IL17RB: variants seen among roughly 807,000 people sequenced by gnomAD.
IL17RB encodes interleukin-17 receptor B.
In IL17RB, 36 loss-of-function variants were observed where a neutral mutation model predicts 43.9. The ratio of observed to expected loss-of-function variants is 0.82; its 90% CI spans 0.63 to 1.08. The LOEUF (loss-of-function observed/expected upper bound fraction) is 1.08. IL17RB is among the 50% of genes least tolerant of loss of function. IL17RB has a pLI of 0.00. For synonymous variants in IL17RB, 225 were observed against 225.4 expected (o/e 1.00, Z 0.02); for missense variants, 613 against 613.6 (o/e 1.00, Z 0.01).
chr3:53,860,173 TCTGCTGGTGG>T lies in IL17RB; in HGVS notation c.893_902del (p.Leu298ProfsTer11). On this transcript the variant is annotated frameshift_variant, in exon 10 of 11. Transcript: ENST00000288167. LOFTEE classifies it high-confidence loss of function. ...GCTGGCTGCCTCTCCTCCTGCTGTCTCTGCTGGTGGCCACATGGGTGCTGGTGGCAGGGAT... is the reference window on the plus strand; with the variant it reads ...GCTGGCTGCCTCTCCTCCTGCTGTCTCCACATGGGTGCTGGTGGCAGGGAT... 1 of 1,614,172 alleles carries T rather than the reference TCTGCTGGTGG, an allele frequency of 6.2e-7. No homozygotes were observed. Among genetic ancestry groups the T allele is most frequent in the Non-Finnish European group, 8.5e-7 (1 of 1,179,988 alleles).
At chr3:53,849,020 T>C (rs964769549) in intron 2 of IL17RB, among the ~76,000 whole-genome samples, 2 of 152,096 alleles carry the variant, frequency 1.3e-5, no homozygotes, top group Non-Finnish European at 2.9e-5. Context: ...AAATGTTTCA[T>C]AGGAGAGCGG....
chr3:53,854,443 T>C (rs1699263158), intron 5 of IL17RB, among the ~76,000 whole-genome samples: 2 of 152,246 alleles, frequency 1.3e-5, no homozygotes, highest in African/African-American at 2.4e-5. Context: ...TCCTCTGGTC[T>C]GTAACAGTTT....
intron 2 of IL17RB, among the ~76,000 whole-genome samples, 173 bp from the exon 3 acceptor site, chr3:53,849,482 C>T (rs749995306): frequency 4.6e-5 from 7 of 150,920 alleles, no homozygotes; most frequent in Non-Finnish European, 8.8e-5. Context: ...TTGAGATCAT[C>T]TTAGGCAACA....
At chr3:53,847,820 A>G (rs867021198) in intron 1 of IL17RB, among the ~76,000 whole-genome samples, 21 of 152,214 alleles carry the variant, frequency 1.4e-4, no homozygotes, top group Middle Eastern at 6.8e-3. Flanking sequence ...AAATCTGATG[A>G]TATCCCTTAG....
At position 53,846,581 on chromosome 3, in the gene IL17RB, G is replaced by A. The variant is rs764907588; in HGVS notation, c.-8G>A. ...CGGGTGGCCTGGATCCCGCGCAGTGGCCCGGCGATGTCGCTCGTGCTGCTA... is the reference window on the plus strand; with the variant it reads ...CGGGTGGCCTGGATCCCGCGCAGTGACCCGGCGATGTCGCTCGTGCTGCTA... On this transcript the variant is annotated 5_prime_UTR_variant, in exon 1 of 11. Coordinates refer to ENST00000288167, the MANE Select transcript of IL17RB (RefSeq NM_018725.4). 1 of 1,575,362 alleles carries A rather than the reference G, an allele frequency of 6.3e-7. No homozygotes were observed.
At chr3:53,848,815 G>A in intron 2 of IL17RB, 127 bp downstream of exon 2, 1 of 985,672 alleles carries the variant, frequency 1.0e-6, no homozygotes, top group Non-Finnish European at 1.6e-6. Context: ...TTTATTGGCT[G>A]ATGCAGATGA....
intron 10 of IL17RB, 65 bp from the exon 11 acceptor site, chr3:53,864,681 G>C: frequency 8.3e-7 from 1 of 1,205,730 alleles, no homozygotes; most frequent in Non-Finnish European, 1.2e-6. Context: ...TGTCAGGGAT[G>C]GTTTACAGAG....
At position 53,865,465 on chromosome 3, in the gene IL17RB, T is replaced by C. The variant is rs1223813639; in HGVS notation, c.*157T>C. 5.2e-6 allele frequency: 3 copies of C among 574,748 alleles called. No individual in the cohort carries two copies. Among genetic ancestry groups the C allele is most frequent in the African/African-American group, 3.7e-5 (2 of 53,624 alleles). 35.6% of individuals were successfully genotyped at this position (574,748 alleles called of 1,614,324 possible). A position where few individuals can be genotyped will look rare whatever the true frequency, so the allele number is the denominator to read the frequency against. ...AAAATTTTCAAATATTGCTAACTAA[T>C]GTAGCATTAACTAACGATTGGAAAC... On this transcript the variant is annotated 3_prime_UTR_variant, in exon 11 of 11. Coordinates refer to ENST00000288167, the MANE Select transcript of IL17RB (RefSeq NM_018725.4).
In IL17RB at chr3:53,848,655, C is replaced by G. The variant is rs753728728; in HGVS notation, c.61-9C>G. On this transcript the variant is annotated splice_polypyrimidine_tract_variant and intron_variant, in intron 1 of 10. Transcript: ENST00000288167. ...TTCAACGTGACGCTTGGTTTTTTCT[C>G]TCCCACAGACCGTTCAATGTGGCTC... The G allele has an allele frequency of 6.2e-7, 1 of 1,613,480 alleles. No individual in the cohort carries two copies. The highest frequency in any genetic ancestry group is 8.5e-7 in the Non-Finnish European group (1 of 1,179,732).
Position 53,854,919 on chromosome 3 carries a change from G to A in IL17RB, c.482-375G>A, listed in dbSNP as rs990382401. ...AATTAGACTCTGGTTATCACGTAAT[G>A]GGCAGATGTTCTCTGTTTAGCAGTA... is the stretch of plus-strand genomic sequence containing the variant. On this transcript the variant is annotated intron_variant, in intron 5 of 10. Coordinates refer to ENST00000288167, the MANE Select transcript of IL17RB (RefSeq NM_018725.4). 3.9e-5 allele frequency among the ~76,000 whole-genome samples: 6 copies of A among 152,066 alleles called. No individual in the cohort carries two copies. The East Asian group carries it at 1.2e-3, about 29-fold the overall frequency.
At chr3:53,853,084 A>G (rs1175968338) in intron 5 of IL17RB, 87 bp downstream of exon 5, 3 of 1,524,282 alleles carry the variant, frequency 2.0e-6, no homozygotes, top group Non-Finnish European at 2.7e-6. Context: ...GGAACCCTGG[A>G]TAAGGCTTTT....
chr3:53,853,665 A>G (rs1483398729), intron 5 of IL17RB, among the ~76,000 whole-genome samples: 1 of 151,988 alleles, frequency 6.6e-6, no homozygotes, highest in Non-Finnish European at 1.5e-5. Flanking sequence ...TGAAGGGTCT[A>G]TCTGAGCCGA....
intron 10 of IL17RB, chr3:53,861,527 T>A (rs1471999476): frequency 6.6e-6 from 1 of 152,218 alleles, no homozygotes; most frequent in Non-Finnish European, 1.5e-5. Flanking sequence ...GTAGCTTTTA[T>A]GTGGGTGCAG....
intron 5 of IL17RB, among the ~76,000 whole-genome samples, chr3:53,853,876 A>T (rs193156611): frequency 4.5e-4 from 69 of 152,014 alleles, no homozygotes; most frequent in Non-Finnish European, 7.4e-4. Flanking sequence ...TTATTTTGGA[A>T]TTCTTTTATT....
At chr3:53,853,681 C>T (rs950217777) in intron 5 of IL17RB, among the ~76,000 whole-genome samples, 2 of 150,632 alleles carry the variant, frequency 1.3e-5, no homozygotes, top group Admixed American at 1.4e-4. Context: ...GCCGAGTCAC[C>T]CATCCCATAC....
In IL17RB at chr3:53,858,755, A is replaced by G; in HGVS notation, c.784A>G (p.Ile262Val). Residue 262 changes from isoleucine (I) to valine (V), a missense_variant, in exon 9 of 11, where the codon ATC (isoleucine) becomes GTC (valine). By Grantham distance (29) the Ile-to-Val change is conservative. Transcript: ENST00000288167. ...TTTTCCTACTTGTGGCAGCGACTGCATCCGACATAAAGGAACAGTTGTGCT... is the reference window on the plus strand; with the variant it reads ...TTTTCCTACTTGTGGCAGCGACTGCGTCCGACATAAAGGAACAGTTGTGCT... ...PYFPTCGSDCIRHKGTVVLCP... is the reference protein window; with the variant it reads ...PYFPTCGSDCVRHKGTVVLCP... 3 of 1,614,178 alleles carry G rather than the reference A, an allele frequency of 1.9e-6. No individual in the cohort carries two copies. The highest frequency in any genetic ancestry group is 1.7e-6 in the Non-Finnish European group (2 of 1,180,024).
At chr3:53,853,083 G>A in intron 5 of IL17RB, 86 bp downstream of exon 5, 1 of 1,532,152 alleles carries the variant, frequency 6.5e-7, no homozygotes, top group South Asian at 1.1e-5. Flanking sequence ...GGGAACCCTG[G>A]ATAAGGCTTT....
chr3:53,855,395 C>T, intron 6 of IL17RB, 54 bp downstream of exon 6: 2 of 1,213,448 alleles, frequency 1.6e-6, no homozygotes, highest in South Asian at 2.5e-5. Flanking sequence ...TAACTTGAGG[C>T]AGCATAGCTC....
chr3:53,859,988 C>A, intron 9 of IL17RB, 142 bp from the exon 10 acceptor site: 1 of 600,450 alleles, frequency 1.7e-6, no homozygotes, highest in South Asian at 2.4e-5. Context: ...CCAGCCTAGG[C>A]AACAAAGCGA....
Sources: allele counts gnomAD v4.1 joint callset (sites outside exome capture counted in the v4.1 genomes callset), GRCh38; gene constraint gnomAD v4.1.1; transcripts MANE v1.5; gene names NCBI Gene and HGNC (gene_info 2026-07-23, HGNC 2026-07-21).